ALDH1L2: variants seen among roughly 807,000 people sequenced by gnomAD.
ALDH1L2 encodes the protein mitochondrial 10-formyltetrahydrofolate dehydrogenase.
ALDH1L2 carries 91 observed loss-of-function variants against 111.0 expected under a neutral mutation model. The observed-to-expected ratio is 0.82, with a 90% CI of 0.69 to 0.98. The LOEUF (loss-of-function observed/expected upper bound fraction) is 0.98. Ranked by LOEUF, ALDH1L2 falls within the 50% of genes least tolerant of loss-of-function variation. ALDH1L2 has a pLI of 0.00. For synonymous variants in ALDH1L2, 374 were observed against 392.6 expected (o/e 0.95, Z 0.56); for missense variants, 995 against 1,126.8 (o/e 0.88, Z 1.67).
chr12:105,031,857 A>T lies in ALDH1L2; in HGVS notation c.2322T>A (p.Ala774=), dbSNP rs1874717812. The part of the protein sequence containing the change: ...STDHGPQNHK[A]HLEKLLQYCE... ...AGTATTGCAGCAGCTTTTCCAGATG[A>T]GCCTTATGATTTTGGGGCCCATGAT... The change falls in exon 20 of 23, where the codon GCT becomes GCA. Residue 774 remains alanine (A), a synonymous_variant. Transcript: ENST00000258494. 8.1e-6 allele frequency: 13 copies of T among 1,614,072 alleles called. No individual in the cohort carries two copies. Among genetic ancestry groups the T allele is most frequent in the Middle Eastern group, 1.6e-4 (1 of 6,062 alleles).
In ALDH1L2 at chr12:105,022,956, C is replaced by T. The variant is rs890054206; in HGVS notation, c.*1468G>A. 6.6e-6 allele frequency: 1 copy of T among 152,206 alleles called. No individual in the cohort carries two copies. The highest frequency in any genetic ancestry group is 1.9e-4 in the East Asian group (1 of 5,202). The allele number at this position is 152,206 out of a possible 1,614,324, so 9.4% of individuals were successfully genotyped here. ...AGGAGGATTAATAGAATTTAACTTT[C>T]TGGCTATCTTTTGGAGACTCATGTG... On this transcript the variant is annotated 3_prime_UTR_variant, in exon 23 of 23. Coordinates refer to ENST00000258494, the MANE Select transcript of ALDH1L2 (RefSeq NM_001034173.4).
chr12:105,044,923 T>G (rs1330935054), intron 15 of ALDH1L2, among the ~76,000 whole-genome samples: 1 of 152,154 alleles, frequency 6.6e-6, no homozygotes, highest in Non-Finnish European at 1.5e-5. Flanking sequence ...ATGCTACTTT[T>G]TGTGTGTGTT....
intron 15 of ALDH1L2, among the ~76,000 whole-genome samples, chr12:105,042,685 T>TC (rs1266992335): frequency 1.3e-5 from 2 of 152,198 alleles, no homozygotes; most frequent in African/African-American, 2.4e-5. Context: ...TCTCCCACCC[T>TC]CCTTTCCACC....
Position 105,022,079 on chromosome 12 carries a change from T to C in ALDH1L2, c.*2345A>G, listed in dbSNP as rs2136039969. On this transcript the variant is annotated 3_prime_UTR_variant, in exon 23 of 23. Coordinates refer to ENST00000258494, the MANE Select transcript of ALDH1L2 (RefSeq NM_001034173.4). ...AATCCGTGATCTAAAGCAACAGCGATGATTTTATTACTCTATGTGTTAAGT... is the reference window on the plus strand; with the variant it reads ...AATCCGTGATCTAAAGCAACAGCGACGATTTTATTACTCTATGTGTTAAGT... 1 of 152,376 alleles carries C rather than the reference T, an allele frequency of 6.6e-6. No individual in the cohort carries two copies. Among genetic ancestry groups the C allele is most frequent in the South Asian group, 2.1e-4 (1 of 4,832 alleles). 9.4% of individuals were successfully genotyped at this position (152,376 alleles called of 1,614,324 possible).
intron 1 of ALDH1L2, among the ~76,000 whole-genome samples, chr12:105,077,571 G>A (rs1409649725): frequency 6.6e-6 from 1 of 151,682 alleles, no homozygotes; most frequent in Admixed American, 6.6e-5. Context: ...GAGCCACCAC[G>A]CCCGACCTTG....
At chr12:105,039,882 G>T in intron 16 of ALDH1L2, 76 bp from the exon 17 acceptor site, 2 of 1,314,156 alleles carry the variant, frequency 1.5e-6, no homozygotes, top group Non-Finnish European at 2.2e-6. Context: ...TGTAATCCCC[G>T]CACTTTGGGA....
At chr12:105,078,413 C>T (rs1046554395) in intron 1 of ALDH1L2, among the ~76,000 whole-genome samples, 4 of 152,182 alleles carry the variant, frequency 2.6e-5, no homozygotes, top group African/African-American at 9.6e-5. Flanking sequence ...GAGCTGAGAT[C>T]GCGCCATTGC....
chr12:105,072,022 G>T (rs762421347), intron 2 of ALDH1L2, among the ~76,000 whole-genome samples: 43 of 151,340 alleles, frequency 2.8e-4, no homozygotes, highest in Non-Finnish European at 5.6e-4. Context: ...GGTGTTCCAG[G>T]TTGCAGTAAG....
chr12:105,064,861 G>GCAAGT (rs1402421355), intron 6 of ALDH1L2, among the ~76,000 whole-genome samples: 2 of 152,182 alleles, frequency 1.3e-5, no homozygotes, highest in African/African-American at 4.8e-5. Context: ...AACTCCTTTT[G>GCAAGT]CAAGTCCTTG....
At chr12:105,047,586 C>G (rs563137954) in intron 13 of ALDH1L2, 1 of 152,438 alleles carries the variant, frequency 6.6e-6, no homozygotes, top group East Asian at 1.9e-4. Context: ...CTGCCTGTCT[C>G]TGGACTCCTT....
intron 1 of ALDH1L2, among the ~76,000 whole-genome samples, chr12:105,079,988 C>G (rs1395934542): frequency 6.6e-6 from 1 of 152,204 alleles, no homozygotes; most frequent in Non-Finnish European, 1.5e-5. Flanking sequence ...CTTTGAAATT[C>G]TTGCACAGTA....
chr12:105,084,151 C>T (rs1249462558), intron 1 of ALDH1L2, among the ~76,000 whole-genome samples: 3 of 152,176 alleles, frequency 2.0e-5, no homozygotes, highest in Non-Finnish European at 4.4e-5. Flanking sequence ...TCCTCAGCCC[C>T]CTCCCGGCAG....
In ALDH1L2 at chr12:105,046,890, T is replaced by C. The variant is rs777849414; in HGVS notation, c.1757+9A>G. The C allele has an allele frequency of 1.2e-6, 2 of 1,614,014 alleles. No homozygotes were observed. The highest frequency in any genetic ancestry group is 3.3e-5 in the Admixed American group (2 of 60,030). ...CATGATTCACTCAGAGGCACTCTCC[T>C]TATCTTACCCGAGTGGCTCTTTCTT... On this transcript the variant is annotated intron_variant, in intron 14 of 22. Transcript: ENST00000258494.
chr12:105,045,997 ATATTTTTTTCTT>A (rs1279911794), intron 15 of ALDH1L2, among the ~76,000 whole-genome samples: 1 of 151,754 alleles, frequency 6.6e-6, no homozygotes, highest in East Asian at 1.9e-4. Flanking sequence ...CTTGGCTGCC[ATATTTTTTTCTT>A]AAAAAGCTAT....
At chr12:105,083,066 A>C (rs925731762) in intron 1 of ALDH1L2, among the ~76,000 whole-genome samples, 1 of 152,184 alleles carries the variant, frequency 6.6e-6, no homozygotes, top group Non-Finnish European at 1.5e-5. Flanking sequence ...GCCACCTGAG[A>C]TGTTTACCTT....
At chr12:105,069,334 G>A (rs1006526470) in intron 3 of ALDH1L2, among the ~76,000 whole-genome samples, 9 of 152,144 alleles carry the variant, frequency 5.9e-5, no homozygotes, top group African/African-American at 9.7e-5. Context: ...GAAGGACAGA[G>A]CTGATTATTA....
chr12:105,050,850 C>T (rs1249797633), intron 12 of ALDH1L2: 2 of 251,198 alleles, frequency 8.0e-6, no homozygotes, highest in South Asian at 3.7e-5. Flanking sequence ...AAGACTTGCC[C>T]CCATGATTCA....
chr12:105,050,219 C>A, intron 12 of ALDH1L2, 161 bp from the exon 13 acceptor site: 1 of 559,898 alleles, frequency 1.8e-6, no homozygotes. Context: ...AGACATTAAA[C>A]AAATATTTTC....
In ALDH1L2 at chr12:105,039,802, G is replaced by T; in HGVS notation, c.1956C>A (p.Gly652=). 1.2e-6 allele frequency: 2 copies of T among 1,613,762 alleles called. No homozygotes were observed. The highest frequency in any genetic ancestry group is 1.7e-6 in the Non-Finnish European group (2 of 1,179,750). The part of the protein sequence containing the change: ...GVINIIPGSG[G]IAGQRLSEHP... ...GTTCAGACAGACGTTGTCCTGCTATGCCACCTGTAGAATTAGGGAATAAAA... is the reference window on the plus strand; with the variant it reads ...GTTCAGACAGACGTTGTCCTGCTATTCCACCTGTAGAATTAGGGAATAAAA... Residue 652 remains glycine (G), a synonymous_variant, in exon 17 of 23, where the codon GGC becomes GGA. Coordinates refer to ENST00000258494, the MANE Select transcript of ALDH1L2 (RefSeq NM_001034173.4).
Sources: allele counts gnomAD v4.1 joint callset (sites outside exome capture counted in the v4.1 genomes callset), GRCh38; gene constraint gnomAD v4.1.1; transcripts MANE v1.5; gene names NCBI Gene and HGNC (gene_info 2026-07-23, HGNC 2026-07-21).